Variants in LYPLA1 observed in about 807,000 individuals in gnomAD.
LYPLA1 encodes acyl-protein thioesterase 1.
Under a neutral mutation model 34.0 loss-of-function variants are expected in LYPLA1, and 17 were observed. The ratio of observed to expected loss-of-function variants is 0.50; its 90% CI spans 0.34 to 0.75. LYPLA1 has a LOEUF of 0.75. Ranked by LOEUF, LYPLA1 falls within the 30% of genes least tolerant of loss-of-function variation. LYPLA1 has a pLI of 0.01. For missense variants in LYPLA1, 203 were observed against 288.8 expected, an observed-to-expected ratio of 0.70 and a Z score of 2.15; for synonymous variants, 98 against 100.8, an observed-to-expected ratio of 0.97 and a Z score of 0.17.
intron 8 of LYPLA1, among the ~76,000 whole-genome samples, chr8:54,050,180 T>C (rs551828980): frequency 6.6e-5 from 10 of 152,378 alleles, no homozygotes; most frequent in South Asian, 2.1e-4. Context: ...TATTTTGATA[T>C]TGTGGGGGCA....
intron 2 of LYPLA1, among the ~76,000 whole-genome samples, chr8:54,084,803 C>A (rs1308238230): frequency 1.3e-5 from 2 of 152,128 alleles, no homozygotes; most frequent in Admixed American, 6.6e-5. Context: ...ACTAAATAGA[C>A]AAATTCCTAG....
intron 2 of LYPLA1, 107 bp from the exon 3 acceptor site, chr8:54,065,920 T>G (rs1198163628): frequency 2.7e-6 from 2 of 748,234 alleles, no homozygotes; most frequent in Non-Finnish European, 4.7e-6. Context: ...TGTTAAATCC[T>G]AAAAATATGG....
intron 2 of LYPLA1, 124 bp from the exon 3 acceptor site, chr8:54,065,937 T>C: frequency 1.5e-6 from 1 of 675,504 alleles, no homozygotes; most frequent in Non-Finnish European, 2.6e-6. Context: ...ATGGTTTTTT[T>C]TTGTTTGTTT....
chr8:54,100,644 G>A (rs1219715818), intron 2 of LYPLA1: 1 of 438,126 alleles, frequency 2.3e-6, no homozygotes, highest in Non-Finnish European at 4.1e-6. Context: ...CGGATCTCTG[G>A]TATCCAATAC....
intron 2 of LYPLA1, among the ~76,000 whole-genome samples, chr8:54,069,647 T>C (rs566280724): frequency 6.6e-6 from 1 of 151,774 alleles, no homozygotes; most frequent in Non-Finnish European, 1.5e-5. Flanking sequence ...GAGGCAGAGA[T>C]TGCAATGAGC....
rs1805520726 is a variant in LYPLA1, at chr8:54,046,941, T to A, written c.*1124A>T. 1 of 152,108 alleles carries A rather than the reference T, an allele frequency of 6.6e-6. No individual in the cohort carries two copies. The highest frequency in any genetic ancestry group is 1.5e-5 in the Non-Finnish European group (1 of 67,966). 9.4% of individuals were successfully genotyped at this position (152,108 alleles called of 1,614,324 possible). ...GACTAAAGTGAAAATTTCAAATAAG[T>A]CCACTGGCAGATGAAAATAAAGCAA... On this transcript the variant is annotated 3_prime_UTR_variant, in exon 9 of 9. Transcript: ENST00000316963.
At chr8:54,081,269 T>C (rs1317635484) in intron 2 of LYPLA1, among the ~76,000 whole-genome samples, 2 of 152,144 alleles carry the variant, frequency 1.3e-5, no homozygotes, top group East Asian at 3.8e-4. Context: ...CAATAATTAT[T>C]AATATTATTT....
chr8:54,073,425 C>T lies in LYPLA1; in HGVS notation c.102-7612G>A, dbSNP rs899141179. 3 of 774,756 alleles carry T rather than the reference C, an allele frequency of 3.9e-6. No individual in the cohort carries two copies. The African/African-American group carries it at 5.1e-5, about 13-fold the overall frequency. 48.0% of individuals were successfully genotyped at this position (774,756 alleles called of 1,614,324 possible). A position where few individuals can be genotyped will look rare whatever the true frequency, so the allele number is the denominator to read the frequency against. ...AATGCTGGCACGGCCAGCTCCGCTG[C>T]TTTCCTCAGCCATTTATCTACCTGG... On this transcript the variant is annotated intron_variant, in intron 2 of 8. Transcript: ENST00000316963.
At chr8:54,063,544 C>A (rs573550366) in intron 3 of LYPLA1, among the ~76,000 whole-genome samples, 169 bp from the exon 4 acceptor site, 1 of 152,196 alleles carries the variant, frequency 6.6e-6, no homozygotes, top group Non-Finnish European at 1.5e-5. Flanking sequence ...CTGCTTTCCA[C>A]GCCCCTCCAA....
chr8:54,066,075 T>A (rs538024128), intron 2 of LYPLA1, among the ~76,000 whole-genome samples: 48 of 152,134 alleles, frequency 3.2e-4, no homozygotes, highest in Non-Finnish European at 6.6e-4. Flanking sequence ...TAGCCGGGAC[T>A]ACAGGTGCCC....
At chr8:54,059,797 C>T (rs956042389) in intron 5 of LYPLA1, among the ~76,000 whole-genome samples, 23 of 152,268 alleles carry the variant, frequency 1.5e-4, no homozygotes, top group African/African-American at 5.5e-4. Flanking sequence ...TGGCACATGC[C>T]TGTAGTCCCA....
At chr8:54,096,087 TA>T (rs1235584902) in intron 2 of LYPLA1, among the ~76,000 whole-genome samples, 5 of 152,194 alleles carry the variant, frequency 3.3e-5, no homozygotes, top group Admixed American at 3.3e-4. Flanking sequence ...AGTGTCCTGG[TA>T]CTTAAAAATG....
intron 5 of LYPLA1, among the ~76,000 whole-genome samples, chr8:54,059,872 G>T (rs1452917831): frequency 2.0e-5 from 3 of 152,154 alleles, no homozygotes; most frequent in African/African-American, 7.2e-5. Context: ...AGTGAGATAT[G>T]ATCACCAACT....
intron 2 of LYPLA1, among the ~76,000 whole-genome samples, chr8:54,078,885 C>A (rs1041950722): frequency 7.3e-6 from 1 of 137,794 alleles, no homozygotes; most frequent in Non-Finnish European, 1.5e-5. Context: ...ACAACCCCCC[C>A]CCTTTTTTTT....
chr8:54,087,172 C>A (rs746017907), intron 2 of LYPLA1, among the ~76,000 whole-genome samples: 21 of 152,032 alleles, frequency 1.4e-4, no homozygotes, highest in Non-Finnish European at 2.2e-4. Flanking sequence ...ATCCTAAGAG[C>A]TATTGAGGTC....
intron 2 of LYPLA1, among the ~76,000 whole-genome samples, chr8:54,078,496 T>C (rs1033882467): frequency 2.6e-5 from 4 of 152,174 alleles, no homozygotes; most frequent in African/African-American, 9.7e-5. Flanking sequence ...AACTTTACAA[T>C]GGCACAAAAG....
chr8:54,058,844 C>G (rs1272437667), intron 5 of LYPLA1, among the ~76,000 whole-genome samples: 1 of 152,034 alleles, frequency 6.6e-6, no homozygotes, highest in African/African-American at 2.4e-5. Flanking sequence ...GCTAGGATTA[C>G]AGGTATGAGC....
At chr8:54,073,133 A>AT (rs1807617402) in intron 2 of LYPLA1, 3 of 721,544 alleles carry the variant, frequency 4.2e-6, no homozygotes, top group Non-Finnish European at 7.8e-6. Context: ...TCTCAGGGAG[A>AT]CCTGGCCTTC....
intron 5 of LYPLA1, among the ~76,000 whole-genome samples, 181 bp downstream of exon 5, chr8:54,062,073 T>C (rs1806674820): frequency 6.6e-6 from 1 of 152,082 alleles, no homozygotes; most frequent in South Asian, 2.1e-4. Context: ...GCCAAGCTGG[T>C]CTTGAACTCC....
Sources: gnomAD v4.1 joint callset for allele counts (sites outside exome capture counted in the v4.1 genomes callset) on GRCh38, gnomAD v4.1.1 for gene constraint, MANE v1.5 for transcripts, NCBI Gene and HGNC (gene_info 2026-07-23, HGNC 2026-07-21) for gene names.